Variants in UCK2 observed in about 807,000 individuals in gnomAD.
UCK2 encodes uridine-cytidine kinase 2, also known as cytidine monophosphokinase 2.
UCK2 carries 6 observed loss-of-function variants against 30.8 expected under a neutral mutation model. The ratio of observed to expected loss-of-function variants is 0.19; its 90% CI spans 0.11 to 0.38. The LOEUF (loss-of-function observed/expected upper bound fraction) is 0.38, where lower values mean the gene tolerates loss of function less well. Among genes scored for constraint, UCK2 ranks in the 10% least tolerant of loss-of-function variants. The probability of loss-of-function intolerance (pLI) is 1.00; values close to 1 mark genes in which losing one functional copy is unlikely to be tolerated. For missense variants in UCK2, 210 were observed against 339.8 expected (o/e 0.62, Z 3.00); for synonymous variants, 125 against 133.6 (o/e 0.94, Z 0.45).
chr1:165,885,437 C>A, intron 1 of UCK2: 1 of 398,216 alleles, frequency 2.5e-6, no homozygotes, highest in South Asian at 1.3e-4. Context: ...TTTGTTTTTT[C>A]CTTTCTTAAA....
At chr1:165,882,771 GT>G (rs1054076224) in intron 1 of UCK2, among the ~76,000 whole-genome samples, 2 of 152,110 alleles carry the variant, frequency 1.3e-5, no homozygotes, top group African/African-American at 2.4e-5. Flanking sequence ...CAGCAGTTAA[GT>G]TTCAGCATTT....
At chr1:165,856,031 A>G (rs1446145067) in intron 1 of UCK2, among the ~76,000 whole-genome samples, 1 of 152,228 alleles carries the variant, frequency 6.6e-6, no homozygotes, top group Non-Finnish European at 1.5e-5. Context: ...GAAAATAGGT[A>G]TGAAAATATA....
At chr1:165,884,406 G>A (rs1466631816) in intron 1 of UCK2, among the ~76,000 whole-genome samples, 3 of 152,230 alleles carry the variant, frequency 2.0e-5, no homozygotes, top group Non-Finnish European at 4.4e-5. Flanking sequence ...ATTCAAAAAT[G>A]TTGGGCAGCA....
chr1:165,907,833 A>G lies in UCK2; in HGVS notation c.*10A>G, dbSNP rs749033162. On this transcript the variant is annotated 3_prime_UTR_variant, in exon 7 of 7. Transcript: ENST00000367879. ...CAGCAGGCCGCATTGACCCGTCTCC[A>G]TCGGACCCCAGCCCCTATCTCCAAG... is the stretch of plus-strand genomic sequence containing the variant. 52 of 1,613,470 alleles carry G rather than the reference A, an allele frequency of 3.2e-5. No homozygotes were observed. The highest frequency in any genetic ancestry group is 1.3e-4 in the Admixed American group (8 of 59,958).
At position 165,832,516 on chromosome 1, in the gene UCK2, G is replaced by A. The variant is rs181080376; in HGVS notation, c.99+4584G>A. On this transcript the variant is annotated intron_variant, in intron 1 of 6. Transcript: ENST00000367879. ...GATTATCTATTCCCTTTGAAGTCAG[G>A]CATGTGTCTTCCCTACTGGTAGATG... 1.6e-3 allele frequency among the ~76,000 whole-genome samples: 243 copies of A among 152,294 alleles called. 1 individual carries two copies. Among genetic ancestry groups the A allele is most frequent in the African/African-American group, 5.6e-3 (233 of 41,564 alleles).
intron 1 of UCK2, among the ~76,000 whole-genome samples, chr1:165,833,179 G>C (rs1654097606): frequency 6.6e-6 from 1 of 152,162 alleles, no homozygotes; most frequent in Non-Finnish European, 1.5e-5. Flanking sequence ...ACACCTTCCT[G>C]TCAGGTGTTC....
chr1:165,889,069 T>C (rs1208243667), intron 1 of UCK2, among the ~76,000 whole-genome samples: 3 of 152,194 alleles, frequency 2.0e-5, no homozygotes, highest in East Asian at 3.9e-4. Context: ...ACAAAGCATG[T>C]AGGTTTGAGT....
intron 1 of UCK2, among the ~76,000 whole-genome samples, chr1:165,871,313 CT>C (rs1655191425): frequency 1.3e-5 from 2 of 152,188 alleles, no homozygotes; most frequent in African/African-American, 4.8e-5. Context: ...TGGCTTTCAT[CT>C]GGGTTGTACT....
In UCK2 at chr1:165,827,954, C is replaced by A. The variant is rs748198744; in HGVS notation, c.99+22C>A. On this transcript the variant is annotated intron_variant, in intron 1 of 6. Transcript: ENST00000367879. ...CAAGGTACGGCGGGGCCCGGAGCCG[C>A]GCTCCCTTCCCGGCTTCTGTCCCTG... The A allele has an allele frequency of 2.0e-5, 27 of 1,318,068 alleles. No individual in the cohort carries two copies. In the Admixed American group the frequency reaches 7.1e-4, roughly 34 times the overall value. 81.6% of individuals were successfully genotyped at this position (1,318,068 alleles called of 1,614,324 possible). A position where few individuals can be genotyped will look rare whatever the true frequency, so the allele number is the denominator to read the frequency against.
intron 1 of UCK2, among the ~76,000 whole-genome samples, chr1:165,829,448 C>T (rs1653987417): frequency 6.6e-6 from 1 of 152,126 alleles, no homozygotes; most frequent in Non-Finnish European, 1.5e-5. Flanking sequence ...TTTTCCCAGC[C>T]CTCCTAGCAC....
chr1:165,865,825 C>T (rs1571280064), intron 1 of UCK2, among the ~76,000 whole-genome samples: 1 of 152,192 alleles, frequency 6.6e-6, no homozygotes, highest in Non-Finnish European at 1.5e-5. Context: ...TACAGAAGAA[C>T]ACTCGCACAA....
chr1:165,898,711 C>T (rs530056654), intron 4 of UCK2, among the ~76,000 whole-genome samples: 8 of 152,332 alleles, frequency 5.3e-5, no homozygotes, highest in African/African-American at 9.6e-5. Flanking sequence ...CAGATCATCA[C>T]GGTGTGGTTT....
At chr1:165,893,700 G>C (rs535191130) in intron 3 of UCK2, among the ~76,000 whole-genome samples, 3 of 152,224 alleles carry the variant, frequency 2.0e-5, no homozygotes, top group Admixed American at 6.5e-5. Flanking sequence ...ATTATGCCAG[G>C]TATGACTCCT....
intron 1 of UCK2, among the ~76,000 whole-genome samples, chr1:165,868,414 C>T (rs1191278947): frequency 6.6e-6 from 1 of 152,204 alleles, no homozygotes; most frequent in Non-Finnish European, 1.5e-5. Context: ...AGATGGCATA[C>T]TATTTTAATA....
At chr1:165,896,443 T>G (rs1647261401) in intron 4 of UCK2, 111 bp downstream of exon 4, 10 of 1,280,746 alleles carry the variant, frequency 7.8e-6, no homozygotes, top group Non-Finnish European at 9.9e-6. Flanking sequence ...ATGCCTTCCC[T>G]GAGGCAGCTG....
At chr1:165,871,819 GA>G (rs887362011) in intron 1 of UCK2, among the ~76,000 whole-genome samples, 2 of 152,244 alleles carry the variant, frequency 1.3e-5, no homozygotes, top group South Asian at 2.1e-4. Flanking sequence ...CATCAATAAA[GA>G]ATTTCTTTGC....
intron 1 of UCK2, among the ~76,000 whole-genome samples, chr1:165,832,138 G>A (rs778370514): frequency 5.9e-5 from 9 of 152,168 alleles, no homozygotes; most frequent in Non-Finnish European, 1.0e-4. Context: ...TTTTTGCTCA[G>A]TGGTCTTCTT....
intron 5 of UCK2, 148 bp from the exon 6 acceptor site, chr1:165,905,773 G>A (rs1456196990): frequency 1.8e-6 from 1 of 550,598 alleles, no homozygotes; most frequent in Non-Finnish European, 3.2e-6. Context: ...CTGTGAAGTT[G>A]TAAACAATAT....
chr1:165,907,544 C>A, intron 6 of UCK2, 140 bp from the exon 7 acceptor site: 1 of 1,200,730 alleles, frequency 8.3e-7, no homozygotes. Flanking sequence ...AGTTGGATGA[C>A]TTGCCTGCAA....
Sources: gnomAD v4.1 joint callset for allele counts (sites outside exome capture counted in the v4.1 genomes callset) on GRCh38, gnomAD v4.1.1 for gene constraint, MANE v1.5 for transcripts, NCBI Gene and HGNC (gene_info 2026-07-23, HGNC 2026-07-21) for gene names.